The following SEC61G variants were observed in gnomAD, a reference collection of about 807,000 sequenced individuals.
SEC61G encodes protein transport protein Sec61 subunit gamma.
A neutral mutation model predicts 7.5 loss-of-function variants in SEC61G; 4 were observed. The observed-to-expected ratio is 0.54, with a 90% confidence interval of 0.26 to 1.22. SEC61G has a LOEUF of 1.22. Ranked by LOEUF, SEC61G falls within the 50% of genes most tolerant of loss-of-function variation. SEC61G has a pLI of 0.12. For synonymous variants in SEC61G, 24 were observed against 24.4 expected, an observed-to-expected ratio of 0.98 and a Z score of 0.05; for missense variants, 53 against 84.6, an observed-to-expected ratio of 0.63 and a Z score of 1.46.
At chr7:54,756,525 G>A (rs902780879) in intron 2 of SEC61G, among the ~76,000 whole-genome samples, 12 of 152,066 alleles carry the variant, frequency 7.9e-5, no homozygotes, top group African/African-American at 2.9e-4. Flanking sequence ...GCGTGGTGGC[G>A]CATGCCTGTA....
chr7:54,757,439 C>G, intron 2 of SEC61G, 56 bp downstream of exon 2: 1 of 1,413,404 alleles, frequency 7.1e-7, no homozygotes, highest in Admixed American at 1.7e-5. Context: ...GTTAATCAAA[C>G]AAAAGGCTTA....
chr7:54,754,420 C>T (rs1791469558), intron 3 of SEC61G, among the ~76,000 whole-genome samples: 1 of 152,214 alleles, frequency 6.6e-6, no homozygotes, highest in South Asian at 2.1e-4. Context: ...TTTCCTCATT[C>T]TACTTCAGTA....
intron 3 of SEC61G, among the ~76,000 whole-genome samples, chr7:54,754,324 T>C (rs545489529): frequency 1.1e-4 from 16 of 152,342 alleles, no homozygotes; most frequent in African/African-American, 3.6e-4. Context: ...ATCTGTCTCA[T>C]GACAGAATGG....
chr7:54,755,586 A>G (rs1274646129), intron 3 of SEC61G, 193 bp downstream of exon 3: 4 of 383,708 alleles, frequency 1.0e-5, no homozygotes, highest in Non-Finnish European at 1.8e-5. Context: ...AATAGTGCCT[A>G]GCACACAGAA....
intron 1 of SEC61G, among the ~76,000 whole-genome samples, chr7:54,758,174 G>C (rs74385643): frequency 0.028 from 4,246 of 152,292 alleles, 88 homozygotes; most frequent in Non-Finnish European, 0.046. Flanking sequence ...AATGGCTAAA[G>C]GAAGACGCAA....
At chr7:54,755,745 T>C in intron 3 of SEC61G, 34 bp downstream of exon 3, 2 of 1,229,572 alleles carry the variant, frequency 1.6e-6, no homozygotes, top group Non-Finnish European at 2.3e-6. Context: ...TTGAGTTTCA[T>C]TCAATCCTAG....
chr7:54,755,962 G>A, intron 2 of SEC61G, 81 bp from the exon 3 acceptor site: 2 of 662,754 alleles, frequency 3.0e-6, no homozygotes, highest in South Asian at 2.2e-5. Flanking sequence ...CAACATAAAT[G>A]AACTTAACTA....
intron 2 of SEC61G, among the ~76,000 whole-genome samples, chr7:54,756,523 G>A (rs868729082): frequency 3.3e-5 from 5 of 152,270 alleles, no homozygotes; most frequent in Middle Eastern, 3.4e-3. Flanking sequence ...GGGCGTGGTG[G>A]CGCATGCCTG....
Sources: allele counts gnomAD v4.1 joint callset (sites outside exome capture counted in the v4.1 genomes callset), GRCh38; gene constraint gnomAD v4.1.1; transcripts MANE v1.5; gene names NCBI Gene and HGNC (gene_info 2026-07-23, HGNC 2026-07-21).